The following APAF1 variants were observed in gnomAD, a reference collection of about 807,000 sequenced individuals.
APAF1 encodes apoptotic peptidase activating factor 1.
Under a neutral mutation model 152.4 loss-of-function variants are expected in APAF1, and 91 were observed. The ratio of observed to expected loss-of-function variants is 0.60; its 90% CI spans 0.50 to 0.71. The LOEUF (loss-of-function observed/expected upper bound fraction) is 0.71. Ranked by LOEUF, APAF1 falls within the 30% of genes least tolerant of loss-of-function variation. The pLI is 0.00. For synonymous variants in APAF1, 484 were observed against 494.1 expected (o/e 0.98, Z 0.27); for missense variants, 1,283 against 1,472.0 (o/e 0.87, Z 2.10).
In APAF1 at chr12:98,735,426, G is replaced by T; in HGVS notation, c.*2860G>T. The T allele has an allele frequency of 4.7e-6, 2 of 426,236 alleles. No individual in the cohort carries two copies. The highest frequency in any genetic ancestry group is 1.7e-4 in the South Asian group (2 of 11,858). 26.4% of individuals were successfully genotyped at this position (426,236 alleles called of 1,614,324 possible). On this transcript the variant is annotated 3_prime_UTR_variant, in exon 27 of 27. Transcript: ENST00000551964. ...AAAATAAAATTCACAAAATTGTTTT[G>T]AAAAACATTTTTGGATTGTTTCATT...
At chr12:98,672,743 TTTTTATTTTA>T (rs931682261) in intron 12 of APAF1, among the ~76,000 whole-genome samples, 1 of 151,980 alleles carries the variant, frequency 6.6e-6, no homozygotes, top group African/African-American at 2.4e-5. Context: ...GTAAATTTTA[TTTTTATTTTA>T]TTTTATTTTA....
chr12:98,663,267 C>T (rs2097667884), intron 7 of APAF1, among the ~76,000 whole-genome samples: 1 of 152,096 alleles, frequency 6.6e-6, no homozygotes, highest in African/African-American at 2.4e-5. Context: ...TTATCCTTGA[C>T]TCACTTTTCT....
intron 16 of APAF1, among the ~76,000 whole-genome samples, chr12:98,687,189 C>T (rs987615163): frequency 6.6e-6 from 1 of 151,746 alleles, no homozygotes; most frequent in Admixed American, 6.6e-5. Context: ...ATGGTGAAAC[C>T]CCGTCTCTAC....
At chr12:98,656,894 C>G (rs1168760061) in intron 4 of APAF1, among the ~76,000 whole-genome samples, 1 of 152,146 alleles carries the variant, frequency 6.6e-6, no homozygotes, top group Admixed American at 6.5e-5. Flanking sequence ...TGTCTCTAAC[C>G]TTTCCTATTG....
chr12:98,726,064 G>A (rs901602490), intron 25 of APAF1, among the ~76,000 whole-genome samples: 2 of 152,142 alleles, frequency 1.3e-5, no homozygotes, highest in East Asian at 1.9e-4. Context: ...GTGGGGCAGC[G>A]AAGGGCTCCT....
chr12:98,653,097 C>T (rs1217949710), intron 4 of APAF1, among the ~76,000 whole-genome samples: 1 of 151,034 alleles, frequency 6.6e-6, no homozygotes, highest in Non-Finnish European at 1.5e-5. Flanking sequence ...TCTTATTATT[C>T]ATATTTAGTT....
chr12:98,715,235 CATATATATATATATATATATATATAT>C lies in APAF1; in HGVS notation c.2959-171_2959-146del, dbSNP rs61430351. Among the ~76,000 whole-genome samples the C allele has an allele frequency of 1.5e-3, 84 of 54,792 alleles. 2 individuals carry two copies. The highest frequency in any genetic ancestry group is 4.6e-3 in the African/African-American group (65 of 14,142). The allele number at this position is 54,792 out of a possible 152,430, so 35.9% of individuals were successfully genotyped here. ...TTTGCATGTAGGCATACATGGTGTG[CATATATATATATATATATATATATAT>C]ATATATATATATATATATATGACAT... On this transcript the variant is annotated intron_variant, in intron 21 of 26. Coordinates refer to ENST00000551964, the MANE Select transcript of APAF1 (RefSeq NM_181861.2).
intron 5 of APAF1, among the ~76,000 whole-genome samples, chr12:98,660,445 C>T (rs2097663630): frequency 6.6e-6 from 1 of 152,078 alleles, no homozygotes. Context: ...CTTCCATGTA[C>T]TTCAGGAGTG....
In APAF1 at chr12:98,649,693, CTT is replaced by C; in HGVS notation, c.526+10_526+11del. ...TCATTCCCTTTTAGAAGGTAAGTGTCTTAGTCCATTTCATAGTCTAGTAAGGT... is the reference window on the plus strand; with the variant it reads ...TCATTCCCTTTTAGAAGGTAAGTGTCAGTCCATTTCATAGTCTAGTAAGGT... On this transcript the variant is annotated intron_variant, in intron 4 of 26. Coordinates refer to ENST00000551964, the MANE Select transcript of APAF1 (RefSeq NM_181861.2). The C allele has an allele frequency of 6.2e-7, 1 of 1,612,230 alleles. No homozygotes were observed. Among genetic ancestry groups the C allele is most frequent in the Non-Finnish European group, 8.5e-7 (1 of 1,178,622 alleles).
rs976750791 is a variant in APAF1 at position 98,675,641 on chromosome 12, A to G, written c.1794-1784A>G. ...TTGTACTAGGTATTTTGAGTAATCT[A>G]TAGATGATTTAGGGTATACAGGAGG... On this transcript the variant is annotated intron_variant, in intron 12 of 26. Transcript: ENST00000551964. Among the ~76,000 whole-genome samples, 8 of 152,318 alleles carry G rather than the reference A, an allele frequency of 5.3e-5. No individual in the cohort carries two copies. In the East Asian group the frequency reaches 1.2e-3, roughly 22 times the overall value.
rs78802781 is a variant in APAF1, at chr12:98,682,898, T to C, written c.2047-245T>C. On this transcript the variant is annotated intron_variant, in intron 14 of 26. Coordinates refer to ENST00000551964, the MANE Select transcript of APAF1 (RefSeq NM_181861.2). ...CTTGCCCTTAAGAAATGTCATGTGT[T>C]CATGACACTCTAGTTATGCTATAGG... is the stretch of plus-strand genomic sequence containing the variant. Among the ~76,000 whole-genome samples the C allele has an allele frequency of 3.3e-5, 5 of 152,354 alleles. No homozygotes were observed. In the East Asian group the frequency reaches 9.7e-4, roughly 29 times the overall value.
chr12:98,649,230 G>C (rs1167692993), intron 3 of APAF1: 24 of 983,960 alleles, frequency 2.4e-5, no homozygotes, highest in South Asian at 4.7e-5. Context: ...GAAAAGTCAG[G>C]AAATAATTGG....
chr12:98,657,882 A>T (rs1052836976), intron 4 of APAF1, among the ~76,000 whole-genome samples: 9 of 152,246 alleles, frequency 5.9e-5, no homozygotes, highest in African/African-American at 2.2e-4. Context: ...ATGAATGAAC[A>T]TACAGAGAAC....
In APAF1 at chr12:98,708,681, GT is replaced by G. The variant is rs1444352095; in HGVS notation, c.2820del (p.Asp941ThrfsTer3). On this transcript the variant is annotated frameshift_variant, in exon 20 of 27. Coordinates refer to ENST00000551964, the MANE Select transcript of APAF1 (RefSeq NM_181861.2). LOFTEE classifies it high-confidence loss of function. ...AGAAAATGAAGTGATGGTCCTTGCA[GT>G]TGACCATATAAGACGTCTGCAAGTG... is the stretch of plus-strand genomic sequence containing the variant. ...FQENEVMVLA[V>X]DHIRRLQLIN... is the part of the protein sequence containing the mutation. 4 of 1,613,630 alleles carry G rather than the reference GT, an allele frequency of 2.5e-6. No homozygotes were observed. Among genetic ancestry groups the G allele is most frequent in the Non-Finnish European group, 3.4e-6 (4 of 1,179,844 alleles).
Position 98,715,819 on chromosome 12 carries a change from G to A in APAF1, c.3084+267G>A, listed in dbSNP as rs566603899. Among the ~76,000 whole-genome samples, 14 of 152,124 alleles carry A rather than the reference G, an allele frequency of 9.2e-5. No individual in the cohort carries two copies. In the South Asian group the frequency reaches 1.2e-3, roughly 14 times the overall value. On this transcript the variant is annotated intron_variant, in intron 22 of 26. Transcript: ENST00000551964. ...ATTTTCTTGCCTGTCTTGGTATTTGGATTTGTATCAGTAAGTATACTTTTT... is the reference window on the plus strand; with the variant it reads ...ATTTTCTTGCCTGTCTTGGTATTTGAATTTGTATCAGTAAGTATACTTTTT...
At chr12:98,704,969 A>T (rs1161929804) in intron 18 of APAF1, among the ~76,000 whole-genome samples, 4 of 151,830 alleles carry the variant, frequency 2.6e-5, no homozygotes, top group Non-Finnish European at 5.9e-5. Flanking sequence ...TTTTTCATGG[A>T]GATAGGGTTT....
intron 9 of APAF1, among the ~76,000 whole-genome samples, chr12:98,666,641 T>C (rs1478647822): frequency 6.6e-6 from 1 of 152,186 alleles, no homozygotes; most frequent in East Asian, 1.9e-4. Flanking sequence ...TTTTTTTCCG[T>C]CTCCTCAAAT....
chr12:98,710,798 G>T (rs1429445803), intron 20 of APAF1, among the ~76,000 whole-genome samples: 1 of 152,212 alleles, frequency 6.6e-6, no homozygotes, highest in Non-Finnish European at 1.5e-5. Context: ...TCACTAAGGA[G>T]ACCTAGGTGT....
chr12:98,723,568 C>A, intron 23 of APAF1, 71 bp from the exon 24 acceptor site: 2 of 1,395,536 alleles, frequency 1.4e-6, no homozygotes, highest in Non-Finnish European at 2.0e-6. Flanking sequence ...TGTCTTGTAG[C>A]TGATTATGCT....
Sources: allele counts gnomAD v4.1 joint callset (sites outside exome capture counted in the v4.1 genomes callset), GRCh38; gene constraint gnomAD v4.1.1; transcripts MANE v1.5; gene names NCBI Gene and HGNC (gene_info 2026-07-23, HGNC 2026-07-21).